CADM2: variants seen among roughly 807,000 people sequenced by gnomAD.
CADM2 encodes the protein cell adhesion molecule 2.
Under a neutral mutation model 49.8 loss-of-function variants are expected in CADM2, and 12 were observed. That is an observed-to-expected ratio of 0.24 (90% CI 0.15 to 0.39). CADM2 has a LOEUF of 0.39. Ranked by LOEUF, CADM2 falls within the 10% of genes least tolerant of loss-of-function variation. The probability of loss-of-function intolerance (pLI) is 1.00; values close to 1 mark genes in which losing one functional copy is unlikely to be tolerated. For synonymous variants in CADM2, 214 were observed against 175.4 expected (o/e 1.22, Z -1.74); for missense variants, 378 against 492.3 (o/e 0.77, Z 2.20).
At position 85,909,434 on chromosome 3, in the gene CADM2, G is replaced by T. The variant is rs908354847; in HGVS notation, c.530-2939G>T. Reference sequence around the variant, plus strand: ...TATATATATATAATGTCCAATGGAAGTTTTTGAAAAGAAACAATTAAAAAA... The same window carrying T: ...TATATATATATAATGTCCAATGGAATTTTTTGAAAAGAAACAATTAAAAAA... On this transcript the variant is annotated intron_variant, in intron 5 of 9. Coordinates refer to ENST00000383699, the MANE Select transcript of CADM2 (RefSeq NM_001167675.2). Among the ~76,000 whole-genome samples the T allele has an allele frequency of 3.4e-5, 5 of 145,830 alleles. No individual in the cohort carries two copies. The South Asian group carries it at 1.1e-3, about 32-fold the overall frequency.
At chr3:85,133,924 G>C (rs1040564079) in intron 1 of CADM2, among the ~76,000 whole-genome samples, 18 of 152,194 alleles carry the variant, frequency 1.2e-4, no homozygotes, top group African/African-American at 4.1e-4. Context: ...GGCGCTCGTC[G>C]GGGAGGCTCA....
At chr3:85,448,469 A>G (rs909049079) in intron 1 of CADM2, among the ~76,000 whole-genome samples, 5 of 152,094 alleles carry the variant, frequency 3.3e-5, no homozygotes, top group African/African-American at 1.2e-4. Flanking sequence ...GGATGTCTTC[A>G]TGATTCTAAA....
At chr3:85,473,503 G>A (rs1276530733) in intron 1 of CADM2, among the ~76,000 whole-genome samples, 1 of 152,032 alleles carries the variant, frequency 6.6e-6, no homozygotes, top group Non-Finnish European at 1.5e-5. Flanking sequence ...ACAAAGAGAT[G>A]TTTCTGGAAG....
chr3:85,776,548 T>A (rs1313296886), intron 2 of CADM2, among the ~76,000 whole-genome samples: 1 of 152,048 alleles, frequency 6.6e-6, no homozygotes, highest in Non-Finnish European at 1.5e-5. Context: ...TAATGTAAGA[T>A]CTAGTTTGAA....
chr3:86,027,960 T>C (rs904337847), intron 8 of CADM2: 5 of 145,842 alleles, frequency 3.4e-5, no homozygotes, highest in Non-Finnish European at 7.4e-5. Flanking sequence ...GTTCAAAAGA[T>C]CCAGGATACA....
chr3:86,012,965 T>C, intron 8 of CADM2: 1 of 748,934 alleles, frequency 1.3e-6, no homozygotes, highest in African/African-American at 1.7e-5. Context: ...ACAGCGAGAC[T>C]CCATCTCAAA....
intron 6 of CADM2, among the ~76,000 whole-genome samples, chr3:85,925,815 G>A (rs1719753698): frequency 6.6e-6 from 1 of 152,082 alleles, no homozygotes; most frequent in South Asian, 2.1e-4. Flanking sequence ...TAACAAAGAA[G>A]ACAGAGATAG....
intron 1 of CADM2, among the ~76,000 whole-genome samples, chr3:85,139,701 G>A (rs2039519993): frequency 6.6e-6 from 1 of 152,142 alleles, no homozygotes; most frequent in African/African-American, 2.4e-5. Context: ...AGTTAAAAAT[G>A]TAAGTTGGGC....
intron 1 of CADM2, among the ~76,000 whole-genome samples, chr3:84,990,732 A>C (rs1202094839): frequency 2.6e-5 from 4 of 152,086 alleles, no homozygotes; most frequent in African/African-American, 9.6e-5. Context: ...GGCATAGTCT[A>C]ACATTCCTTA....
chr3:85,425,594 C>A (rs1054843768), intron 1 of CADM2, among the ~76,000 whole-genome samples: 6 of 152,156 alleles, frequency 3.9e-5, no homozygotes, highest in African/African-American at 1.4e-4. Context: ...AACACTTGAA[C>A]TTATTCCACC....
At chr3:85,005,458 GA>G (rs1039768199) in intron 1 of CADM2, among the ~76,000 whole-genome samples, 44 of 151,636 alleles carry the variant, frequency 2.9e-4, no homozygotes, top group African/African-American at 9.9e-4. Flanking sequence ...ATGCTGATTG[GA>G]AAAAAAATTC....
rs1739876235 is a variant in CADM2 at position 86,071,671 on chromosome 3, A to AC, written c.*4893dup. The AC allele has an allele frequency of 6.6e-6, 1 of 151,724 alleles. No individual in the cohort carries two copies. Among genetic ancestry groups the AC allele is most frequent in the Non-Finnish European group, 1.5e-5 (1 of 67,804 alleles). The allele number at this position is 151,724 out of a possible 1,614,324, so 9.4% of individuals were successfully genotyped here. ...GAACTATTATAACAGTGCACTCCCC[A>AC]CCCCCTGGGAAATCTCAAAAGCCAA... On this transcript the variant is annotated 3_prime_UTR_variant, in exon 10 of 10. Transcript: ENST00000383699.
rs149862590 is a variant in CADM2 at position 85,463,796 on chromosome 3, TC to T, written c.62-262725del. Among the ~76,000 whole-genome samples, 1,271 of 152,270 alleles carry T rather than the reference TC, an allele frequency of 8.3e-3. 15 individuals carry two copies. The highest frequency in any genetic ancestry group is 0.017 in the Middle Eastern group (5 of 294). ...TATTGTTTCGCTCATTTTCTGTTTT[TC>T]TCTCAAGGCTCTATGCTACTAGACC... On this transcript the variant is annotated intron_variant, in intron 1 of 9. Coordinates refer to ENST00000383699, the MANE Select transcript of CADM2 (RefSeq NM_001167675.2).
At chr3:85,958,091 A>C (rs1171627070) in intron 7 of CADM2, among the ~76,000 whole-genome samples, 3 of 152,014 alleles carry the variant, frequency 2.0e-5, no homozygotes, top group Non-Finnish European at 4.4e-5. Flanking sequence ...AGCTTAAACC[A>C]ATTTACAAGA....
intron 1 of CADM2, among the ~76,000 whole-genome samples, chr3:85,527,953 T>G (rs933138661): frequency 2.0e-5 from 3 of 152,246 alleles, no homozygotes; most frequent in African/African-American, 7.2e-5. Context: ...TGTCAAGTAT[T>G]ATTTAGTAAA....
intron 1 of CADM2, among the ~76,000 whole-genome samples, chr3:85,195,404 C>T (rs1227402495): frequency 6.6e-6 from 1 of 152,070 alleles, no homozygotes; most frequent in Non-Finnish European, 1.5e-5. Flanking sequence ...TCTTGAGTCC[C>T]ATCAGGTAAA....
At chr3:85,577,648 T>G (rs1157111937) in intron 1 of CADM2, among the ~76,000 whole-genome samples, 1 of 152,168 alleles carries the variant, frequency 6.6e-6, no homozygotes, top group African/African-American at 2.4e-5. Flanking sequence ...TATTTTAATA[T>G]TTTGTTTTTT....
At chr3:85,270,439 A>G (rs972705689) in intron 1 of CADM2, among the ~76,000 whole-genome samples, 17 of 151,382 alleles carry the variant, frequency 1.1e-4, no homozygotes, top group African/African-American at 3.6e-4. Flanking sequence ...TAAAGCGTTC[A>G]TATTTTGTAC....
chr3:85,728,988 T>C (rs1312191590), intron 2 of CADM2, among the ~76,000 whole-genome samples: 1 of 152,134 alleles, frequency 6.6e-6, no homozygotes, highest in Non-Finnish European at 1.5e-5. Flanking sequence ...ATAGACATAA[T>C]ATACCTGAAT....
Sources: allele counts gnomAD v4.1 joint callset (sites outside exome capture counted in the v4.1 genomes callset), GRCh38; gene constraint gnomAD v4.1.1; transcripts MANE v1.5; gene names NCBI Gene and HGNC (gene_info 2026-07-23, HGNC 2026-07-21).